Variants in MRTO4 observed in about 807,000 individuals in gnomAD.
MRTO4 encodes mRNA turnover protein 4 homolog.
In MRTO4, 7 loss-of-function variants were observed where a neutral mutation model predicts 28.6. The ratio of observed to expected loss-of-function variants is 0.24; its 90% confidence interval spans 0.14 to 0.46. The LOEUF (loss-of-function observed/expected upper bound fraction) is 0.46. Ranked by LOEUF, MRTO4 falls within the 20% of genes least tolerant of loss-of-function variation. The pLI is 0.99. For synonymous variants in MRTO4, 113 were observed against 108.2 expected, an observed-to-expected ratio of 1.04 and a Z score of -0.27; for missense variants, 302 against 298.3, an observed-to-expected ratio of 1.01 and a Z score of -0.09.
chr1:19,255,085 C>T (rs1359088419), intron 2 of MRTO4, among the ~76,000 whole-genome samples: 4 of 152,094 alleles, frequency 2.6e-5, no homozygotes, highest in South Asian at 2.1e-4. Context: ...GTTTCTTATG[C>T]GTTGTTCCAC....
Position 19,259,632 on chromosome 1 carries a change from A to G in MRTO4, c.*802A>G, listed in dbSNP as rs1219673196. The stretch of plus-strand genomic sequence containing the variant: ...CACTGGCTGCCTTGGCACTGCCATG[A>G]CAGCACAGCTCCACACCAGAGCTGG... On this transcript the variant is annotated 3_prime_UTR_variant, in exon 8 of 8. Transcript: ENST00000330263. 6.6e-6 allele frequency: 1 copy of G among 152,274 alleles called. No homozygotes were observed. The allele number at this position is 152,274 out of a possible 1,614,324, so 9.4% of individuals were successfully genotyped here.
At chr1:19,254,665 CT>C in intron 1 of MRTO4, 116 bp from the exon 2 acceptor site, 3 of 893,846 alleles carry the variant, frequency 3.4e-6, no homozygotes, top group Non-Finnish European at 5.6e-6. Flanking sequence ...GCCTTGCTGC[CT>C]TTTTTCAGAA....
intron 1 of MRTO4, among the ~76,000 whole-genome samples, chr1:19,254,119 T>G (rs921165934): frequency 6.6e-6 from 1 of 152,170 alleles, no homozygotes; most frequent in Non-Finnish European, 1.5e-5. Context: ...ACACCTATGA[T>G]TCCAACACTT....
At position 19,258,986 on chromosome 1, in the gene MRTO4, G is replaced by A; in HGVS notation, c.*156G>A. On this transcript the variant is annotated 3_prime_UTR_variant, in exon 8 of 8. Transcript: ENST00000330263. ...CTGTAAAGAATAAAACTGTGGGCCG[G>A]GCGCGGTGGCTCACGCCTGGAATCC... is the stretch of plus-strand genomic sequence containing the variant. 1 of 967,816 alleles carries A rather than the reference G, an allele frequency of 1.0e-6. No homozygotes were observed. Among genetic ancestry groups the A allele is most frequent in the Middle Eastern group, 3.4e-4 (1 of 2,976 alleles). 60.0% of individuals were successfully genotyped at this position (967,816 alleles called of 1,614,324 possible). A position where few individuals can be genotyped will look rare whatever the true frequency, so the allele number is the denominator to read the frequency against.
rs1558122566 is a variant in MRTO4 at position 19,257,554 on chromosome 1, C to CG, written c.341+36dup. The CG allele has an allele frequency of 1.9e-6, 3 of 1,610,432 alleles. No individual in the cohort carries two copies. In the East Asian group the frequency reaches 6.7e-5, roughly 36 times the overall value. On this transcript the variant is annotated intron_variant, in intron 5 of 7. Coordinates refer to ENST00000330263, the MANE Select transcript of MRTO4 (RefSeq NM_016183.4). The stretch of plus-strand genomic sequence containing the variant: ...CTGCTGAGGAACGGAGGGAAAGAGG[C>CG]GGGTGAGAGGGGATTTCAGGGAGGG...
intron 3 of MRTO4, 25 bp from the exon 4 acceptor site, chr1:19,257,039 G>C (rs1416471348): frequency 1.2e-6 from 2 of 1,611,852 alleles, no homozygotes; most frequent in Admixed American, 1.7e-5. Flanking sequence ...TTCCTTCACA[G>C]AATGCTCTTT....
At chr1:19,257,359 T>G in intron 4 of MRTO4, 95 bp from the exon 5 acceptor site, 1 of 1,457,242 alleles carries the variant, frequency 6.9e-7, no homozygotes, top group East Asian at 2.3e-5. Flanking sequence ...AAAAACGTCT[T>G]TAAATGTTGC....
rs754007838 is a variant in MRTO4 at position 19,257,873 on chromosome 1, G to T, written c.382G>T (p.Gly128Cys). The change falls in exon 6 of 8, where the codon GGT becomes TGT. Residue 128 changes from glycine to cysteine, a missense_variant. Gly to Cys is a radical substitution (Grantham distance 159). Coordinates refer to ENST00000330263, the MANE Select transcript of MRTO4 (RefSeq NM_016183.4). ...KYTEMDYARAGNKAAFTVSLD... is the reference protein window; with the variant it reads ...KYTEMDYARACNKAAFTVSLD... Reference sequence around the variant, plus strand: ...CACAGAAATGGACTACGCCCGAGCTGGTAACAAAGCAGCTTTCACTGTGAG... The same window carrying T: ...CACAGAAATGGACTACGCCCGAGCTTGTAACAAAGCAGCTTTCACTGTGAG... The T allele has an allele frequency of 5.6e-6, 9 of 1,613,852 alleles. No individual in the cohort carries two copies. The highest frequency in any genetic ancestry group is 3.4e-4 in the Middle Eastern group (2 of 5,948).
Position 19,259,491 on chromosome 1 carries a change from T to A in MRTO4, c.*661T>A, listed in dbSNP as rs538833722. The stretch of plus-strand genomic sequence containing the variant: ...TGCTTGGGAGGCTGAGGTGGGAGAA[T>A]TGCTTAAGCCTGAGAGTTGGAGGCT... On this transcript the variant is annotated 3_prime_UTR_variant, in exon 8 of 8. Transcript: ENST00000330263. 1.3e-5 allele frequency: 2 copies of A among 152,018 alleles called. No individual in the cohort carries two copies. Among genetic ancestry groups the A allele is most frequent in the Non-Finnish European group, 2.9e-5 (2 of 68,044 alleles). 9.4% of individuals were successfully genotyped at this position (152,018 alleles called of 1,614,324 possible). A position where few individuals can be genotyped will look rare whatever the true frequency, so the allele number is the denominator to read the frequency against.
chr1:19,252,739 C>T (rs1184506100), intron 1 of MRTO4, among the ~76,000 whole-genome samples: 2 of 152,190 alleles, frequency 1.3e-5, no homozygotes, highest in African/African-American at 2.4e-5. Flanking sequence ...CAGCCTTGAC[C>T]TCCTTGGCTT....
In MRTO4 at chr1:19,255,970, A is replaced by G. The variant is rs747817190; in HGVS notation, c.110A>G (p.Tyr37Cys). 2 of 1,614,004 alleles carry G rather than the reference A, an allele frequency of 1.2e-6. No individual in the cohort carries two copies. Among genetic ancestry groups the G allele is most frequent in the African/African-American group, 2.7e-5 (2 of 74,976 alleles). Residue 37 changes from tyrosine to cysteine, a missense_variant, in exon 3 of 8, where the codon TAC becomes TGC. By Grantham distance (194) the Tyr-to-Cys change is radical (BLOSUM62 -2). Transcript: ENST00000330263. ...CAGCTTCGGAAATGTGTGGACACCT[A>G]CAAGTACCTTTTCATCTTCTCTGTG... ...IEELRKCVDT[Y>C]KYLFIFSVAN... is the part of the protein sequence containing the mutation.
Position 19,259,150 on chromosome 1 carries a change from A to G in MRTO4, c.*320A>G, listed in dbSNP as rs1448148793. On this transcript the variant is annotated 3_prime_UTR_variant, in exon 8 of 8. Coordinates refer to ENST00000330263, the MANE Select transcript of MRTO4 (RefSeq NM_016183.4). Reference sequence around the variant, plus strand: ...CATAGTGGCATGTGCCTGTAGTCCCAGCTACTCAGGAGGCTGAGGCAGGAG... The same window carrying G: ...CATAGTGGCATGTGCCTGTAGTCCCGGCTACTCAGGAGGCTGAGGCAGGAG... 1.0e-5 allele frequency: 2 copies of G among 199,328 alleles called. No homozygotes were observed. 12.3% of individuals were successfully genotyped at this position (199,328 alleles called of 1,614,324 possible). A position where few individuals can be genotyped will look rare whatever the true frequency, so the allele number is the denominator to read the frequency against.
In MRTO4 at chr1:19,251,874, G is replaced by A. The variant is rs552214473; in HGVS notation, c.28+11G>A. 1.9e-6 allele frequency: 3 copies of A among 1,591,552 alleles called. No individual in the cohort carries two copies. Among genetic ancestry groups the A allele is most frequent in the South Asian group, 1.1e-5 (1 of 87,932 alleles). On this transcript the variant is annotated intron_variant, in intron 1 of 7. Transcript: ENST00000330263. Reference sequence around the variant, plus strand: ...AGCGCGACAAGAAAGGTGGGCGAAGGGGGAGTCGGGACCCTGGGGGGAGCT... The same window carrying A: ...AGCGCGACAAGAAAGGTGGGCGAAGAGGGAGTCGGGACCCTGGGGGGAGCT...
Position 19,258,518 on chromosome 1 carries a change from G to T in MRTO4, c.535G>T (p.Gly179Cys). Reference sequence around the variant, plus strand: ...GTCTGACTACGAGGTGTGCAAGGAGGGCGATGTGCTGACCCCAGAGCAGGC... The same window carrying T: ...GTCTGACTACGAGGTGTGCAAGGAGTGCGATGTGCTGACCCCAGAGCAGGC... The part of the protein sequence containing the change: ...LLSDYEVCKE[G>C]DVLTPEQARV... Residue 179 changes from glycine (G) to cysteine (C), a missense_variant, in exon 7 of 8, where the codon GGC (glycine) becomes TGC (cysteine). Physicochemically the swap from Gly to Cys is radical, Grantham distance 159. Transcript: ENST00000330263. The T allele has an allele frequency of 1.2e-6, 2 of 1,614,076 alleles. No homozygotes were observed. The highest frequency in any genetic ancestry group is 1.7e-6 in the Non-Finnish European group (2 of 1,180,036).
Position 19,255,942 on chromosome 1 carries a change from C to G in MRTO4, c.88-6C>G, listed in dbSNP as rs757839148. On this transcript the variant is annotated splice_polypyrimidine_tract_variant and splice_region_variant and intron_variant, in intron 2 of 7. Coordinates refer to ENST00000330263, the MANE Select transcript of MRTO4 (RefSeq NM_016183.4). ...TGAACTCAGAGCCTCGTGAATTGTCCCACAGCTTCGGAAATGTGTGGACAC... is the reference window on the plus strand; with the variant it reads ...TGAACTCAGAGCCTCGTGAATTGTCGCACAGCTTCGGAAATGTGTGGACAC... The G allele has an allele frequency of 5.0e-6, 8 of 1,613,360 alleles. No homozygotes were observed. The highest frequency in any genetic ancestry group is 1.7e-5 in the Admixed American group (1 of 59,978).
intron 4 of MRTO4, 66 bp from the exon 5 acceptor site, chr1:19,257,387 CA>C: frequency 6.3e-7 from 1 of 1,576,862 alleles, no homozygotes; most frequent in Non-Finnish European, 8.7e-7. Context: ...ACCCGGTGAG[CA>C]AAAACGTGCC....
intron 1 of MRTO4, 35 bp downstream of exon 1, chr1:19,251,898 C>G (rs2093661417): frequency 1.9e-6 from 3 of 1,580,098 alleles, no homozygotes; most frequent in South Asian, 2.3e-5. Context: ...CTGGGGGGAG[C>G]TCCGTGGGCT....
In MRTO4 at chr1:19,259,408, C is replaced by T. The variant is rs974021175; in HGVS notation, c.*578C>T. 1 of 152,134 alleles carries T rather than the reference C, an allele frequency of 6.6e-6. No homozygotes were observed. Among genetic ancestry groups the T allele is most frequent in the African/African-American group, 2.4e-5 (1 of 41,408 alleles). The allele number at this position is 152,134 out of a possible 1,614,324, so 9.4% of individuals were successfully genotyped here. A position where few individuals can be genotyped will look rare whatever the true frequency, so the allele number is the denominator to read the frequency against. ...CAGCCTGGGCAATTCAGCAAGATCC[C>T]GTCTCTACAAAAAATAAAAAAAAAT... On this transcript the variant is annotated 3_prime_UTR_variant, in exon 8 of 8. Transcript: ENST00000330263.
At chr1:19,256,337 G>A (rs1320950775) in intron 3 of MRTO4, among the ~76,000 whole-genome samples, 5 of 152,254 alleles carry the variant, frequency 3.3e-5, no homozygotes, top group South Asian at 2.1e-4. Flanking sequence ...CCAACATGGC[G>A]AAACCCCTTC....
Sources: allele counts gnomAD v4.1 joint callset (sites outside exome capture counted in the v4.1 genomes callset), GRCh38; gene constraint gnomAD v4.1.1; transcripts MANE v1.5; gene names NCBI Gene and HGNC (gene_info 2026-07-23, HGNC 2026-07-21).